CNTNAP2: variants seen among roughly 807,000 people sequenced by gnomAD.
CNTNAP2 encodes the protein contactin-associated protein-like 2.
A neutral mutation model predicts 155.2 loss-of-function variants in CNTNAP2; 98 were observed. The observed-to-expected ratio is 0.63, with a 90% confidence interval of 0.54 to 0.75. The LOEUF is 0.75. CNTNAP2 is among the 30% of genes least tolerant of loss of function. The pLI, the probability that CNTNAP2 is intolerant of heterozygous loss-of-function variation, is 0.00. For synonymous variants in CNTNAP2, 651 were observed against 631.2 expected (o/e 1.03, Z -0.47); for missense variants, 1,727 against 1,688.1 (o/e 1.02, Z -0.40).
chr7:147,516,618 A>ATG (rs10681580), intron 11 of CNTNAP2, among the ~76,000 whole-genome samples: 3,495 of 149,912 alleles, frequency 0.023, 101 homozygotes, highest in African/African-American at 0.074. Flanking sequence ...GAGAGAGAGA[A>ATG]TGTGTGTGTG....
rs183549379 is a variant in CNTNAP2 at position 146,967,974 on chromosome 7, A to G, written c.403-75933A>G. Among the ~76,000 whole-genome samples the G allele has an allele frequency of 5.7e-4, 76 of 133,954 alleles. 1 individual carries two copies. The highest frequency in any genetic ancestry group is 1.7e-3 in the African/African-American group (68 of 39,422). 87.9% of individuals were successfully genotyped at this position (133,954 alleles called of 152,430 possible). A position where few individuals can be genotyped will look rare whatever the true frequency, so the allele number is the denominator to read the frequency against. ...TCATAGATAGCTCTTATTATTTTGA[A>G]ATACGTCCCATCAATACCTAATTTA... On this transcript the variant is annotated intron_variant, in intron 3 of 23. Coordinates refer to ENST00000361727, the MANE Select transcript of CNTNAP2 (RefSeq NM_014141.6).
At chr7:147,609,580 C>T (rs970907351) in intron 12 of CNTNAP2, among the ~76,000 whole-genome samples, 12 of 151,734 alleles carry the variant, frequency 7.9e-5, no homozygotes, top group Non-Finnish European at 1.6e-4. Flanking sequence ...ACAGACAATA[C>T]AAAATAAACA....
intron 13 of CNTNAP2, among the ~76,000 whole-genome samples, chr7:147,780,131 T>G (rs1173704213): frequency 6.6e-6 from 1 of 152,198 alleles, no homozygotes; most frequent in Non-Finnish European, 1.5e-5. Context: ...AGACAGAATA[T>G]AGACAGCTAA....
intron 17 of CNTNAP2, among the ~76,000 whole-genome samples, chr7:148,149,634 C>T (rs932800499): frequency 3.3e-5 from 5 of 152,120 alleles, no homozygotes; most frequent in Admixed American, 6.6e-5. Flanking sequence ...TCACTGCAAC[C>T]TCCACCTCCT....
intron 8 of CNTNAP2, among the ~76,000 whole-genome samples, chr7:147,197,195 A>G (rs1802821705): frequency 6.6e-6 from 1 of 151,888 alleles, no homozygotes; most frequent in South Asian, 2.1e-4. Flanking sequence ...GCTTTCCACA[A>G]CCAATCAGAC....
intron 1 of CNTNAP2, among the ~76,000 whole-genome samples, chr7:146,718,152 A>T (rs1801223629): frequency 2.6e-5 from 4 of 152,162 alleles, no homozygotes; most frequent in Admixed American, 2.6e-4. Flanking sequence ...TGTTTACCAT[A>T]CGCATAGTTA....
At chr7:147,972,867 G>A (rs984937530) in intron 14 of CNTNAP2, among the ~76,000 whole-genome samples, 2 of 152,102 alleles carry the variant, frequency 1.3e-5, no homozygotes, top group African/African-American at 4.8e-5. Context: ...CAACATAAAG[G>A]TATTTCAGAG....
intron 3 of CNTNAP2, among the ~76,000 whole-genome samples, chr7:146,861,370 C>T (rs894719969): frequency 6.6e-6 from 1 of 152,060 alleles, no homozygotes; most frequent in African/African-American, 2.4e-5. Context: ...TTCTTGAACA[C>T]ATTTTAAAAT....
Position 146,773,992 on chromosome 7 carries a change from C to A in CNTNAP2, c.98-279C>A, listed in dbSNP as rs73170322. The stretch of plus-strand genomic sequence containing the variant: ...CCAAAGCTTATTACAGGAACAAGCT[C>A]AATTTTACTCATGATTCTCAGATAG... On this transcript the variant is annotated intron_variant, in intron 1 of 23. Coordinates refer to ENST00000361727, the MANE Select transcript of CNTNAP2 (RefSeq NM_014141.6). Among the ~76,000 whole-genome samples the A allele has an allele frequency of 0.067, 10,138 of 152,090 alleles. 474 individuals carry two copies. Among genetic ancestry groups the A allele is most frequent in the African/African-American group, 0.13 (5,270 of 41,458 alleles).
At chr7:146,992,933 G>A (rs1301404805) in intron 3 of CNTNAP2, among the ~76,000 whole-genome samples, 7 of 152,082 alleles carry the variant, frequency 4.6e-5, no homozygotes, top group South Asian at 2.1e-4. Flanking sequence ...TAGTGAATCC[G>A]TTTTCTTATT....
chr7:147,993,506 A>G (rs777022025), intron 15 of CNTNAP2, among the ~76,000 whole-genome samples: 1 of 152,188 alleles, frequency 6.6e-6, no homozygotes, highest in Non-Finnish European at 1.5e-5. Context: ...ATAATCCCCA[A>G]AAAAGTCGCT....
chr7:147,632,102 G>A (rs1439460911), intron 12 of CNTNAP2, among the ~76,000 whole-genome samples: 1 of 152,054 alleles, frequency 6.6e-6, no homozygotes, highest in Non-Finnish European at 1.5e-5. Context: ...CTAATATCCG[G>A]AATCCACAAG....
chr7:146,379,099 A>G (rs1281746595), intron 1 of CNTNAP2, among the ~76,000 whole-genome samples: 2 of 152,192 alleles, frequency 1.3e-5, no homozygotes, highest in Non-Finnish European at 2.9e-5. Flanking sequence ...AGACTTGCCT[A>G]TCTTGAGCCT....
intron 3 of CNTNAP2, among the ~76,000 whole-genome samples, chr7:146,864,843 CT>C (rs1562978415): frequency 9.2e-5 from 13 of 141,244 alleles, no homozygotes; most frequent in African/African-American, 3.5e-4. Flanking sequence ...AAAACAGAAC[CT>C]GCAGGGTGGC....
intron 3 of CNTNAP2, among the ~76,000 whole-genome samples, chr7:146,996,986 G>A (rs1287632229): frequency 1.3e-5 from 2 of 152,076 alleles, no homozygotes; most frequent in Non-Finnish European, 2.9e-5. Flanking sequence ...CTTGCCTGCT[G>A]CCATGTAAGA....
At chr7:146,928,042 T>C (rs1320667269) in intron 3 of CNTNAP2, among the ~76,000 whole-genome samples, 1 of 151,678 alleles carries the variant, frequency 6.6e-6, no homozygotes, top group Admixed American at 6.6e-5. Flanking sequence ...TCCTCCATCC[T>C]CCTGTTTCTA....
intron 13 of CNTNAP2, among the ~76,000 whole-genome samples, chr7:147,676,986 T>C (rs906662236): frequency 6.6e-6 from 1 of 151,942 alleles, no homozygotes; most frequent in African/African-American, 2.4e-5. Context: ...AATGTAGATA[T>C]CTCTTTGACA....
chr7:146,487,077 C>T (rs750374301), intron 1 of CNTNAP2, among the ~76,000 whole-genome samples: 2 of 152,244 alleles, frequency 1.3e-5, no homozygotes, highest in Middle Eastern at 3.4e-3. Flanking sequence ...GAATGAGATT[C>T]GCTAGGACCC....
chr7:146,501,833 CAA>C (rs898654264), intron 1 of CNTNAP2, among the ~76,000 whole-genome samples: 1 of 151,976 alleles, frequency 6.6e-6, no homozygotes. Context: ...TTGAAACAGA[CAA>C]AAGAGAAGAC....
Sources: allele counts gnomAD v4.1 joint callset (sites outside exome capture counted in the v4.1 genomes callset), GRCh38; gene constraint gnomAD v4.1.1; transcripts MANE v1.5; gene names NCBI Gene and HGNC (gene_info 2026-07-23, HGNC 2026-07-21).